MDFIC: variants seen among roughly 807,000 people sequenced by gnomAD.
MDFIC encodes myoD family inhibitor domain-containing protein.
A neutral mutation model predicts 23.2 loss-of-function variants in MDFIC; 17 were observed. The ratio of observed to expected loss-of-function variants is 0.73; its 90% CI spans 0.50 to 1.10. The LOEUF (loss-of-function observed/expected upper bound fraction) is 1.10, where lower values mean the gene tolerates loss of function less well. Ranked by LOEUF, MDFIC falls within the 50% of genes least tolerant of loss-of-function variation. The probability of loss-of-function intolerance (pLI) is 0.00; values close to 1 mark genes in which losing one functional copy is unlikely to be tolerated. For synonymous variants in MDFIC, 120 were observed against 115.2 expected (o/e 1.04, Z -0.27); for missense variants, 356 against 316.6 (o/e 1.12, Z -0.95).
intron 4 of MDFIC, among the ~76,000 whole-genome samples, chr7:115,012,943 C>T (rs1248804547): frequency 1.3e-5 from 2 of 152,088 alleles, no homozygotes; most frequent in African/African-American, 4.8e-5. Context: ...CGCGCCACTG[C>T]ACTCCAGCCT....
At chr7:114,993,989 T>A (rs2116043027) in intron 4 of MDFIC, among the ~76,000 whole-genome samples, 1 of 152,280 alleles carries the variant, frequency 6.6e-6, no homozygotes, top group East Asian at 1.9e-4. Context: ...AGTCTAAGTC[T>A]CTTTGTAGGT....
At chr7:115,014,619 A>G in intron 4 of MDFIC, 1 of 1,007,696 alleles carries the variant, frequency 9.9e-7, no homozygotes, top group Non-Finnish European at 1.3e-6. Context: ...AAGTACAAAA[A>G]CAAAAAAACA....
chr7:114,958,885 A>T (rs955204548), intron 3 of MDFIC, among the ~76,000 whole-genome samples: 3 of 152,210 alleles, frequency 2.0e-5, no homozygotes, highest in African/African-American at 7.2e-5. Flanking sequence ...GCTTATTTTG[A>T]TAAACATTGG....
Position 114,947,883 on chromosome 7 carries a change from C to T in MDFIC, c.217+5486C>T, listed in dbSNP as rs145023555. Among the ~76,000 whole-genome samples, 256 of 152,242 alleles carry T rather than the reference C, an allele frequency of 1.7e-3. 1 individual carries two copies. Among genetic ancestry groups the T allele is most frequent in the African/African-American group, 5.9e-3 (245 of 41,542 alleles). ...ACAAAGCAAAATGAGTAAGCACACA[C>T]TGAATTTATTGGTTTTCATTGTTAT... On this transcript the variant is annotated intron_variant, in intron 3 of 4. Coordinates refer to ENST00000393486, the MANE Select transcript of MDFIC (RefSeq NM_001166345.3).
intron 4 of MDFIC, among the ~76,000 whole-genome samples, chr7:115,001,335 C>A (rs926769652): frequency 1.3e-5 from 2 of 152,148 alleles, no homozygotes; most frequent in African/African-American, 4.8e-5. Context: ...ACTATAACTT[C>A]TCTTGGGAAA....
chr7:114,997,234 G>A (rs894287088), intron 4 of MDFIC, among the ~76,000 whole-genome samples: 3 of 152,122 alleles, frequency 2.0e-5, no homozygotes, highest in African/African-American at 7.2e-5. Flanking sequence ...AAAATGTTAG[G>A]ATATAAAGGC....
At chr7:114,992,124 A>T (rs1394426207) in intron 4 of MDFIC, among the ~76,000 whole-genome samples, 1 of 152,108 alleles carries the variant, frequency 6.6e-6, no homozygotes, top group Non-Finnish European at 1.5e-5. Flanking sequence ...TGTGAATGGG[A>T]GTTCACTCAT....
intron 3 of MDFIC, among the ~76,000 whole-genome samples, chr7:114,951,466 CTG>C (rs1355339521): frequency 1.3e-5 from 2 of 151,916 alleles, no homozygotes; most frequent in East Asian, 1.9e-4. Context: ...ATGTCAGTGT[CTG>C]TGTATATATA....
intron 3 of MDFIC, among the ~76,000 whole-genome samples, chr7:114,972,849 C>A (rs1563145967): frequency 6.6e-6 from 1 of 152,084 alleles, no homozygotes; most frequent in Admixed American, 6.6e-5. Flanking sequence ...AACTCCTGGG[C>A]TCAAGTGATC....
intron 4 of MDFIC, among the ~76,000 whole-genome samples, chr7:114,986,038 T>TG (rs1358702753): frequency 6.6e-6 from 1 of 151,792 alleles, no homozygotes; most frequent in Non-Finnish European, 1.5e-5. Context: ...TGCAGTTTTT[T>TG]TTTTTTTTTG....
intron 2 of MDFIC, among the ~76,000 whole-genome samples, chr7:114,937,790 A>G (rs866434332): frequency 1.3e-5 from 2 of 152,190 alleles, no homozygotes; most frequent in South Asian, 4.1e-4. Context: ...TAAACATACT[A>G]GGATGCTCAG....
rs1363190722 is a variant in MDFIC at position 115,015,816 on chromosome 7, A to G, written c.622A>G (p.Met208Val). The change falls in exon 5 of 5, where the codon ATG (methionine) becomes GTG (valine). Residue 208 changes from methionine (M) to valine (V), a missense_variant. Physicochemically the swap from Met to Val is conservative, Grantham distance 21. Coordinates refer to ENST00000393486, the MANE Select transcript of MDFIC (RefSeq NM_001166345.3). ...CTGCTGCTGTTGCTGTGGTGACGAGATGGGGGATGATTGTAACTGCCCTTG... is the reference window on the plus strand; with the variant it reads ...CTGCTGCTGTTGCTGTGGTGACGAGGTGGGGGATGATTGTAACTGCCCTTG... ...EACCCCCGDE[M>V]GDDCNCPCDM... 1 of 1,614,056 alleles carries G rather than the reference A, an allele frequency of 6.2e-7. No individual in the cohort carries two copies. The highest frequency in any genetic ancestry group is 1.7e-5 in the Admixed American group (1 of 59,998).
chr7:114,934,902 G>A (rs1792394434), intron 2 of MDFIC, among the ~76,000 whole-genome samples: 1 of 152,078 alleles, frequency 6.6e-6, no homozygotes, highest in African/African-American at 2.4e-5. Flanking sequence ...GTTCCTTAAA[G>A]GTCATTAGGC....
intron 2 of MDFIC, among the ~76,000 whole-genome samples, chr7:114,940,209 A>G (rs904778117): frequency 6.6e-6 from 1 of 152,248 alleles, no homozygotes; most frequent in African/African-American, 2.4e-5. Flanking sequence ...GGTTTTGTTT[A>G]TAAAAATCCT....
intron 4 of MDFIC, among the ~76,000 whole-genome samples, chr7:115,009,590 A>G (rs1791640750): frequency 6.6e-6 from 1 of 152,226 alleles, no homozygotes; most frequent in Non-Finnish European, 1.5e-5. Flanking sequence ...TTTAAGCAGC[A>G]CAGAGTTCCT....
Position 115,015,808 on chromosome 7 carries a change from G to C in MDFIC, c.614G>C (p.Gly205Ala). Residue 205 changes from glycine to alanine, a missense_variant, in exon 5 of 5, where the codon GGT becomes GCT. Transcript: ENST00000393486. ...TCAGAAGCCTGCTGCTGTTGCTGTGGTGACGAGATGGGGGATGATTGTAAC... is the reference window on the plus strand; with the variant it reads ...TCAGAAGCCTGCTGCTGTTGCTGTGCTGACGAGATGGGGGATGATTGTAAC... ...CTSEACCCCC[G>A]DEMGDDCNCP... 1 of 1,614,206 alleles carries C rather than the reference G, an allele frequency of 6.2e-7. No homozygotes were observed. The highest frequency in any genetic ancestry group is 1.1e-5 in the South Asian group (1 of 91,076).
intron 3 of MDFIC, among the ~76,000 whole-genome samples, chr7:114,968,290 C>T (rs1793142652): frequency 6.6e-6 from 1 of 152,140 alleles, no homozygotes; most frequent in African/African-American, 2.4e-5. Flanking sequence ...AAAATTAAAA[C>T]ATGGGCAAGA....
At chr7:114,936,357 G>A (rs1392757791) in intron 2 of MDFIC, among the ~76,000 whole-genome samples, 1 of 152,116 alleles carries the variant, frequency 6.6e-6, no homozygotes, top group Non-Finnish European at 1.5e-5. Flanking sequence ...ACATTCTCAG[G>A]TTCTTCTGTT....
chr7:115,015,957 T>G lies in MDFIC; in HGVS notation c.*22T>G, dbSNP rs1459183993. The G allele has an allele frequency of 1.9e-6, 3 of 1,603,174 alleles. No individual in the cohort carries two copies. Among genetic ancestry groups the G allele is most frequent in the South Asian group, 1.1e-5 (1 of 89,858 alleles). On this transcript the variant is annotated 3_prime_UTR_variant, in exon 5 of 5. Coordinates refer to ENST00000393486, the MANE Select transcript of MDFIC (RefSeq NM_001166345.3). ...ATAAATATTTATCTTTTGTTTGTGT[T>G]AAAACTGGAGAGTGTTTAAAAATTT...
Sources: gnomAD v4.1 joint callset for allele counts (sites outside exome capture counted in the v4.1 genomes callset) on GRCh38, gnomAD v4.1.1 for gene constraint, MANE v1.5 for transcripts, NCBI Gene and HGNC (gene_info 2026-07-23, HGNC 2026-07-21) for gene names.